Variants in TUSC3 observed in about 807,000 individuals in gnomAD.
TUSC3 encodes dolichyl-diphosphooligosaccharide--protein glycosyltransferase subunit TUSC3.
In TUSC3, 45 loss-of-function variants were observed where a neutral mutation model predicts 44.8. The ratio of observed to expected loss-of-function variants is 1.00; its 90% CI spans 0.79 to 1.29. The LOEUF is 1.29. TUSC3 is among the 50% of genes most tolerant of loss of function. The pLI, the probability that TUSC3 is intolerant of heterozygous loss-of-function variation, is 0.00. For missense variants in TUSC3, 519 were observed against 437.9 expected (o/e 1.19, Z -1.65); for synonymous variants, 212 against 152.9 (o/e 1.39, Z -2.85).
chr8:15,451,990 CA>C (rs1800201461), intron 1 of TUSC3, among the ~76,000 whole-genome samples: 1 of 151,994 alleles, frequency 6.6e-6, no homozygotes, highest in Admixed American at 6.6e-5. Flanking sequence ...AAAAGGCAGC[CA>C]AAAGAGTGAT....
chr8:15,738,171 A>G (rs1473350636), intron 7 of TUSC3, among the ~76,000 whole-genome samples: 2 of 152,156 alleles, frequency 1.3e-5, no homozygotes, highest in African/African-American at 2.4e-5. Context: ...AAGAGATCAT[A>G]CTTACTTACT....
intron 1 of TUSC3, among the ~76,000 whole-genome samples, chr8:15,613,233 C>CTTT (rs35627633): frequency 4.1e-5 from 6 of 146,340 alleles, no homozygotes; most frequent in African/African-American, 1.5e-4. Flanking sequence ...TCTTACAGTG[C>CTTT]TTTTTTTTTT....
At chr8:15,723,090 C>T (rs1810364497) in intron 6 of TUSC3, among the ~76,000 whole-genome samples, 1 of 152,070 alleles carries the variant, frequency 6.6e-6, no homozygotes, top group South Asian at 2.1e-4. Flanking sequence ...TTCATGCACA[C>T]ACTATTTTGA....
intron 1 of TUSC3, among the ~76,000 whole-genome samples, chr8:15,448,207 C>G (rs1277867656): frequency 2.0e-5 from 3 of 150,824 alleles, no homozygotes; most frequent in Non-Finnish European, 4.4e-5. Flanking sequence ...CAACCTCTGC[C>G]TCCTGGGTTC....
intron 9 of TUSC3, among the ~76,000 whole-genome samples, chr8:15,752,113 G>A (rs116830510): frequency 0.024 from 3,693 of 152,144 alleles, 129 homozygotes; most frequent in African/African-American, 0.083. Context: ...CTGTTGTATG[G>A]AAATAATTTA....
At chr8:15,458,814 G>A (rs1371240022) in intron 1 of TUSC3, among the ~76,000 whole-genome samples, 1 of 152,134 alleles carries the variant, frequency 6.6e-6, no homozygotes, top group African/African-American at 2.4e-5. Context: ...AAGGACAAAA[G>A]GCCAGTTCTT....
chr8:15,546,250 A>G (rs1801859879), intron 1 of TUSC3, among the ~76,000 whole-genome samples: 1 of 151,838 alleles, frequency 6.6e-6, no homozygotes, highest in African/African-American at 2.4e-5. Context: ...TTCCTTCGCC[A>G]CATCTGGCCC....
chr8:15,452,114 A>C (rs1211509486), intron 1 of TUSC3, among the ~76,000 whole-genome samples: 1 of 152,192 alleles, frequency 6.6e-6, no homozygotes, highest in African/African-American at 2.4e-5. Context: ...TAATGGTAAT[A>C]GTGTTTTACA....
intron 1 of TUSC3, among the ~76,000 whole-genome samples, chr8:15,543,249 T>C (rs57311314): frequency 0.081 from 12,045 of 148,616 alleles, 584 homozygotes; most frequent in African/African-American, 0.15. Flanking sequence ...ATAAATATTA[T>C]TGACATATGT....
At chr8:15,545,691 C>T (rs1323258444) in intron 1 of TUSC3, among the ~76,000 whole-genome samples, 1 of 151,840 alleles carries the variant, frequency 6.6e-6, no homozygotes, top group East Asian at 2.0e-4. Flanking sequence ...GTGCCCTCTT[C>T]CACACATAGG....
At chr8:15,616,299 C>T (rs981420943) in intron 1 of TUSC3, among the ~76,000 whole-genome samples, 3 of 152,184 alleles carry the variant, frequency 2.0e-5, no homozygotes, top group Non-Finnish European at 4.4e-5. Flanking sequence ...AATATCAGGC[C>T]AGGTGTGGTG....
chr8:15,593,670 G>A (rs1021045977), intron 1 of TUSC3, among the ~76,000 whole-genome samples: 30 of 151,940 alleles, frequency 2.0e-4, no homozygotes, highest in Admixed American at 2.0e-3. Flanking sequence ...TCTGTTATCT[G>A]TGCCTTCATT....
At chr8:15,592,681 A>C (rs112254252) in intron 1 of TUSC3, among the ~76,000 whole-genome samples, 2,716 of 152,338 alleles carry the variant, frequency 0.018, 78 homozygotes, top group African/African-American at 0.062. Context: ...CAGAACTGCT[A>C]GCCAAATAAA....
chr8:15,714,917 ACT>A (rs1585259102), intron 6 of TUSC3, among the ~76,000 whole-genome samples: 2 of 152,164 alleles, frequency 1.3e-5, no homozygotes, highest in East Asian at 1.9e-4. Flanking sequence ...CCTCTTTATA[ACT>A]CTTTATAATT....
chr8:15,814,239 G>T, the TUSC3 span, among the ~76,000 whole-genome samples: 2 of 152,174 alleles, frequency 1.3e-5, no homozygotes, highest in African/African-American at 4.8e-5. Context: ...GAGTGTATGT[G>T]TGTGTGTGTG....
the TUSC3 span, among the ~76,000 whole-genome samples, chr8:15,781,233 TAAATCACTC>T: frequency 6.6e-6 from 1 of 152,120 alleles, no homozygotes. Flanking sequence ...AGAATGGAAA[TAAATCACTC>T]ACTCTCGGCT....
intron 6 of TUSC3, among the ~76,000 whole-genome samples, chr8:15,693,441 C>CTTTTTT (rs35915071): frequency 2.1e-5 from 2 of 96,896 alleles, no homozygotes; most frequent in Non-Finnish European, 1.9e-5. Flanking sequence ...GTTGGAAGTT[C>CTTTTTT]TTTTTTTTTT....
the TUSC3 span, among the ~76,000 whole-genome samples, chr8:15,777,360 G>A: frequency 1.2e-4 from 19 of 152,078 alleles, no homozygotes; most frequent in African/African-American, 4.1e-4. Context: ...CCTGAGCTCC[G>A]TATTTCCTTG....
At chr8:15,499,583 A>G (rs1045272024) in intron 2 of TUSC3, among the ~76,000 whole-genome samples, 1 of 152,222 alleles carries the variant, frequency 6.6e-6, no homozygotes, top group Non-Finnish European at 1.5e-5. Flanking sequence ...AACATAATTT[A>G]TAATCCAATG....
Sources: gnomAD v4.1 joint callset for allele counts (sites outside exome capture counted in the v4.1 genomes callset) on GRCh38, gnomAD v4.1.1 for gene constraint, MANE v1.5 for transcripts, NCBI Gene and HGNC (gene_info 2026-07-23, HGNC 2026-07-21) for gene names.